The following TOR1A variants were observed in gnomAD, a reference collection of about 807,000 sequenced individuals.
TOR1A encodes the protein torsin-1A.
TOR1A carries 18 observed loss-of-function variants against 31.4 expected under a neutral mutation model. The ratio of observed to expected loss-of-function variants is 0.57; its 90% CI spans 0.40 to 0.85. The LOEUF is 0.85. Among genes scored for constraint, TOR1A ranks in the 40% least tolerant of loss-of-function variants. TOR1A has a pLI of 0.00. For missense variants in TOR1A, 375 were observed against 416.4 expected (o/e 0.90, Z 0.87); for synonymous variants, 168 against 165.9 (o/e 1.01, Z -0.10).
chr9:129,821,274 T>G (rs1049531814), intron 2 of TOR1A: 11 of 152,172 alleles, frequency 7.2e-5, no homozygotes, highest in African/African-American at 2.7e-4. Flanking sequence ...CAGATGGTGC[T>G]ACTGCACTCC....
rs1175513973 is a variant in TOR1A at position 129,818,741 on chromosome 9, T to G, written c.620+4A>C. 1 of 1,613,506 alleles carries G rather than the reference T, an allele frequency of 6.2e-7. No homozygotes were observed. Among genetic ancestry groups the G allele is most frequent in the Admixed American group, 1.7e-5 (1 of 60,016 alleles). On this transcript the variant is annotated splice_donor_region_variant and intron_variant, in intron 3 of 4. Coordinates refer to ENST00000351698, the MANE Select transcript of TOR1A (RefSeq NM_000113.3). Reference sequence around the variant, plus strand: ...CATCCATCATGTCCTAGCCCTGACCTTACCTGAGAAATATGAACATGGCTT... The same window carrying G: ...CATCCATCATGTCCTAGCCCTGACCGTACCTGAGAAATATGAACATGGCTT...
chr9:129,817,245 A>G (rs967291759), intron 4 of TOR1A, among the ~76,000 whole-genome samples: 2 of 152,214 alleles, frequency 1.3e-5, no homozygotes, highest in African/African-American at 4.8e-5. Context: ...CACGGTGCCC[A>G]GTACAAAATA....
At position 129,822,226 on chromosome 9, in the gene TOR1A, T is replaced by C. The variant is rs573527856; in HGVS notation, c.444+355A>G. ...GTTGCAGTGAGCTGAGATCATGCCA[T>C]TGCACTCCAGCCCGGGTAAGAAGAG... On this transcript the variant is annotated intron_variant, in intron 2 of 4. Coordinates refer to ENST00000351698, the MANE Select transcript of TOR1A (RefSeq NM_000113.3). 8 of 358,464 alleles carry C rather than the reference T, an allele frequency of 2.2e-5. No homozygotes were observed. The East Asian group carries it at 5.9e-4, about 26-fold the overall frequency. 22.2% of individuals were successfully genotyped at this position (358,464 alleles called of 1,614,324 possible). A position where few individuals can be genotyped will look rare whatever the true frequency, so the allele number is the denominator to read the frequency against.
intron 1 of TOR1A, 66 bp downstream of exon 1, chr9:129,823,842 T>C (rs2131008359): frequency 6.7e-7 from 1 of 1,501,060 alleles, no homozygotes; most frequent in Non-Finnish European, 8.9e-7. Flanking sequence ...CTGGTCCTAG[T>C]TCAGCCCTAG....
rs886063523 is a variant in TOR1A at position 129,813,807 on chromosome 9, C to T, written c.*165G>A. On this transcript the variant is annotated 3_prime_UTR_variant, in exon 5 of 5. Transcript: ENST00000351698. ...CCGTGGTCCCTGGGTGGCCTGCAGGCACCAGGGGGTGGAAACAATGCCAGG... is the reference window on the plus strand; with the variant it reads ...CCGTGGTCCCTGGGTGGCCTGCAGGTACCAGGGGGTGGAAACAATGCCAGG... 4.1e-5 allele frequency: 45 copies of T among 1,104,010 alleles called. No individual in the cohort carries two copies. Among genetic ancestry groups the T allele is most frequent in the Middle Eastern group, 2.8e-4 (1 of 3,614 alleles). 68.4% of individuals were successfully genotyped at this position (1,104,010 alleles called of 1,614,324 possible).
intron 4 of TOR1A, among the ~76,000 whole-genome samples, chr9:129,815,416 C>A (rs1166536741): frequency 6.6e-6 from 1 of 152,234 alleles, no homozygotes; most frequent in African/African-American, 2.4e-5. Context: ...CAGCTGAGGG[C>A]AGACGGACCT....
At chr9:129,817,296 A>G (rs2031063293) in intron 4 of TOR1A, among the ~76,000 whole-genome samples, 1 of 152,186 alleles carries the variant, frequency 6.6e-6, no homozygotes. Flanking sequence ...TGGGCAATGC[A>G]GAGAAAGGGA....
At chr9:129,816,624 A>G (rs2031045938) in intron 4 of TOR1A, among the ~76,000 whole-genome samples, 1 of 152,198 alleles carries the variant, frequency 6.6e-6, no homozygotes, top group Non-Finnish European at 1.5e-5. Flanking sequence ...ATCAATGTTC[A>G]GCCATCTGCC....
intron 2 of TOR1A, 43 bp from the exon 3 acceptor site, chr9:129,818,963 G>A (rs1262660902): frequency 4.4e-6 from 7 of 1,601,320 alleles, no homozygotes; most frequent in East Asian, 2.2e-5. Context: ...TTCTCAGCCA[G>A]GGCCATCAAT....
At chr9:129,819,376 T>C (rs1266816907) in intron 2 of TOR1A, among the ~76,000 whole-genome samples, 3 of 152,060 alleles carry the variant, frequency 2.0e-5, no homozygotes, top group Non-Finnish European at 2.9e-5. Flanking sequence ...TCCCAGCACT[T>C]TGGGAGGCTG....
At chr9:129,816,678 G>A (rs2031047182) in intron 4 of TOR1A, among the ~76,000 whole-genome samples, 2 of 152,172 alleles carry the variant, frequency 1.3e-5, no homozygotes, top group Admixed American at 1.3e-4. Context: ...CCGACTCCCA[G>A]GTTGGCACTC....
Position 129,822,721 on chromosome 9 carries a change from C to A in TOR1A, c.304G>T (p.Gly102Trp). ...PKKPLTLSLHGWTGTGKNFVS... is the reference protein window; with the variant it reads ...PKKPLTLSLHWWTGTGKNFVS... The stretch of plus-strand genomic sequence containing the variant: ...AAATTTTTGCCGGTGCCTGTCCACC[C>A]GTGCAGGGAGAGCGTGAGAGGTTTC... The change falls in exon 2 of 5, where the codon GGG becomes TGG. Residue 102 changes from glycine (G) to tryptophan (W), a missense_variant. Transcript: ENST00000351698. 1 of 1,614,170 alleles carries A rather than the reference C, an allele frequency of 6.2e-7. No individual in the cohort carries two copies. The highest frequency in any genetic ancestry group is 8.5e-7 in the Non-Finnish European group (1 of 1,180,024).
intron 1 of TOR1A, chr9:129,823,433 G>A (rs2031238655): frequency 1.1e-5 from 3 of 283,344 alleles, no homozygotes; most frequent in African/African-American, 4.5e-5. Flanking sequence ...ACTCAGCTCT[G>A]CCCAGGCCCG....
rs777609595 is a variant in TOR1A, at chr9:129,818,544, C to G, written c.724G>C (p.Val242Leu). 8 of 1,614,084 alleles carry G rather than the reference C, an allele frequency of 5.0e-6. No homozygotes were observed. The highest frequency in any genetic ancestry group is 6.8e-6 in the Non-Finnish European group (8 of 1,180,048). Reference sequence around the variant, plus strand: ...CTGTTCTTGTTATTGAAAACCGACACAGACAACGCGTGTTCAATGTCTTTG... The same window carrying G: ...CTGTTCTTGTTATTGAAAACCGACAGAGACAACGCGTGTTCAATGTCTTTG... ...KLKDIEHALSVSVFNNKNSGF... is the reference protein window; with the variant it reads ...KLKDIEHALSLSVFNNKNSGF... Residue 242 changes from valine to leucine, a missense_variant, in exon 4 of 5, where the codon GTG becomes CTG. Coordinates refer to ENST00000351698, the MANE Select transcript of TOR1A (RefSeq NM_000113.3).
chr9:129,819,171 C>T (rs2031118425), intron 2 of TOR1A, among the ~76,000 whole-genome samples: 1 of 152,196 alleles, frequency 6.6e-6, no homozygotes, highest in Non-Finnish European at 1.5e-5. Flanking sequence ...TGTGGCAGAG[C>T]TGGGACCTGA....
chr9:129,815,616 C>T (rs1408551796), intron 4 of TOR1A, among the ~76,000 whole-genome samples: 1 of 152,174 alleles, frequency 6.6e-6, no homozygotes, highest in Non-Finnish European at 1.5e-5. Flanking sequence ...CCTCAGGCAG[C>T]CCTGAGACTT....
At position 129,813,750 on chromosome 9, in the gene TOR1A, C is replaced by T; in HGVS notation, c.*222G>A. On this transcript the variant is annotated 3_prime_UTR_variant, in exon 5 of 5. Coordinates refer to ENST00000351698, the MANE Select transcript of TOR1A (RefSeq NM_000113.3). ...TGGGCTGGGAGCTGGCTCCTTCCTT[C>T]TGTGCGTGTTCGGGAGGCTTCACGT... The T allele has an allele frequency of 9.6e-6, 6 of 628,156 alleles. 1 individual carries two copies. The highest frequency in any genetic ancestry group is 1.7e-5 in the Non-Finnish European group (6 of 357,308). The allele number at this position is 628,156 out of a possible 1,614,324, so 38.9% of individuals were successfully genotyped here.
At position 129,814,023 on chromosome 9, in the gene TOR1A, A is replaced by T. The variant is rs1397203265; in HGVS notation, c.948T>A (p.Asp316Glu). Residue 316 changes from aspartate (D) to glutamate (E), a missense_variant, in exon 5 of 5, where the codon GAT becomes GAA. Asp to Glu is a conservative substitution (Grantham distance 45). Coordinates refer to ENST00000351698, the MANE Select transcript of TOR1A (RefSeq NM_000113.3). ...FFPKEERVFSDKGCKTVFTKL... is the reference protein window; with the variant it reads ...FFPKEERVFSEKGCKTVFTKL... ...TGGTGAACACCGTTTTGCAGCCTTT[A>T]TCTGAGAAAACTCTCTCCTCTTTGG... The T allele has an allele frequency of 6.2e-7, 1 of 1,614,022 alleles. No homozygotes were observed. The highest frequency in any genetic ancestry group is 8.5e-7 in the Non-Finnish European group (1 of 1,180,036).
Position 129,822,771 on chromosome 9 carries a change from C to T in TOR1A, c.254G>A (p.Gly85Asp). Residue 85 changes from glycine (G) to aspartate (D), a missense_variant, in exon 2 of 5, where the codon GGT becomes GAT. Physicochemically the swap from Gly to Asp is moderately conservative, Grantham distance 94 (BLOSUM62 -1). Transcript: ENST00000351698. The part of the protein sequence containing the change: ...AKKIILNAVF[G>D]FINNPKPKKP... The stretch of plus-strand genomic sequence containing the variant: ...CTTGGGCTTTGGGTTGTTTATGAAA[C>T]CAAACACGGCATTTAAGATGATTTT... The T allele has an allele frequency of 6.2e-7, 1 of 1,614,134 alleles. No homozygotes were observed. The highest frequency in any genetic ancestry group is 8.5e-7 in the Non-Finnish European group (1 of 1,180,024).
Sources: allele counts gnomAD v4.1 joint callset (sites outside exome capture counted in the v4.1 genomes callset), GRCh38; gene constraint gnomAD v4.1.1; transcripts MANE v1.5; gene names NCBI Gene and HGNC (gene_info 2026-07-23, HGNC 2026-07-21).